The following ENTHD1 variants were observed in gnomAD, a reference collection of about 807,000 sequenced individuals.
ENTHD1 encodes ENTH domain containing 1.
ENTHD1 carries 23 observed loss-of-function variants against 39.1 expected under a neutral mutation model. That is an observed-to-expected ratio of 0.59 (90% CI 0.42 to 0.83). The LOEUF is 0.83. Ranked by LOEUF, ENTHD1 falls within the 40% of genes least tolerant of loss-of-function variation. The probability of loss-of-function intolerance (pLI) is 0.00; values close to 1 mark genes in which losing one functional copy is unlikely to be tolerated. For missense variants in ENTHD1, 624 were observed against 705.4 expected, an observed-to-expected ratio of 0.88 and a Z score of 1.31; for synonymous variants, 230 against 258.2, an observed-to-expected ratio of 0.89 and a Z score of 1.05.
Position 39,861,851 on chromosome 22 carries a change from G to A in ENTHD1, c.506C>T (p.Thr169Ile), listed in dbSNP as rs116693852. Residue 169 changes from threonine to isoleucine, a missense_variant, in exon 3 of 7, where the codon ACA becomes ATA. Coordinates refer to ENST00000325157, the MANE Select transcript of ENTHD1 (RefSeq NM_152512.4). ...KRQLGSSNSL[T>I]ACTSAPTPDI... is the part of the protein sequence containing the mutation. ...CGGTGTGGGGGCAGAAGTGCACGCT[G>A]TCAGTGAGTTACTTGAACCAAGTTG... 3.1e-6 allele frequency: 5 copies of A among 1,605,746 alleles called. No homozygotes were observed. The highest frequency in any genetic ancestry group is 4.3e-6 in the Non-Finnish European group (5 of 1,174,398).
At chr22:39,753,725 T>C (rs578017616) in intron 6 of ENTHD1, among the ~76,000 whole-genome samples, 68 of 152,294 alleles carry the variant, frequency 4.5e-4, no homozygotes, top group African/African-American at 1.5e-3. Flanking sequence ...GGCCTCACTG[T>C]TTCTTGAATT....
At chr22:39,784,585 A>C (rs1292083893) in intron 5 of ENTHD1, among the ~76,000 whole-genome samples, 1 of 128,772 alleles carries the variant, frequency 7.8e-6, no homozygotes, top group African/African-American at 3.2e-5. Context: ...CACACACACT[A>C]GAATATTCAG....
chr22:39,810,294 A>T (rs1169329895), intron 5 of ENTHD1, among the ~76,000 whole-genome samples: 1 of 152,216 alleles, frequency 6.6e-6, no homozygotes. Flanking sequence ...ACCATAGTCT[A>T]CTGGCCAGAG....
chr22:39,752,475 TG>T (rs1200700892), intron 6 of ENTHD1, among the ~76,000 whole-genome samples: 17 of 152,210 alleles, frequency 1.1e-4, no homozygotes, highest in African/African-American at 4.1e-4. Flanking sequence ...TCTGAATTAG[TG>T]GTGATGATTT....
intron 6 of ENTHD1, among the ~76,000 whole-genome samples, chr22:39,761,954 A>C (rs2065236868): frequency 1.3e-5 from 2 of 152,142 alleles, no homozygotes; most frequent in Admixed American, 6.5e-5. Context: ...TATGACCCAT[A>C]TTTTCCTATT....
At chr22:39,871,183 A>T (rs1477929316) in intron 2 of ENTHD1, among the ~76,000 whole-genome samples, 6 of 139,878 alleles carry the variant, frequency 4.3e-5, no homozygotes. Flanking sequence ...AAATAAATAA[A>T]TAAATAAATA....
intron 5 of ENTHD1, among the ~76,000 whole-genome samples, chr22:39,775,253 A>G (rs944808450): frequency 5.3e-5 from 8 of 152,248 alleles, no homozygotes; most frequent in Non-Finnish European, 8.8e-5. Context: ...ACTGTCACCT[A>G]TAGGGTACTG....
At chr22:39,777,606 A>T (rs2065375543) in intron 5 of ENTHD1, among the ~76,000 whole-genome samples, 1 of 152,198 alleles carries the variant, frequency 6.6e-6, no homozygotes, top group Non-Finnish European at 1.5e-5. Context: ...ACAGATCTGG[A>T]CACATGTAAA....
In ENTHD1 at chr22:39,792,457, T is replaced by A. The variant is rs546426155; in HGVS notation, c.833-26848A>T. Among the ~76,000 whole-genome samples, 16 of 152,340 alleles carry A rather than the reference T, an allele frequency of 1.1e-4. No individual in the cohort carries two copies. In the South Asian group the frequency reaches 2.9e-3, roughly 28 times the overall value. On this transcript the variant is annotated intron_variant, in intron 5 of 6. Coordinates refer to ENST00000325157, the MANE Select transcript of ENTHD1 (RefSeq NM_152512.4). ...TCTTTTTCTAATACCACAAATTAGA[T>A]GTTATAATGTTATTTTTTAATCTGT... is the stretch of plus-strand genomic sequence containing the variant.
At chr22:39,845,596 A>G (rs1373427365) in intron 3 of ENTHD1, among the ~76,000 whole-genome samples, 1 of 152,180 alleles carries the variant, frequency 6.6e-6, no homozygotes. Flanking sequence ...CAGAAGGAAA[A>G]TTCCTCACAA....
Position 39,819,309 on chromosome 22 carries a change from G to A in ENTHD1, c.832+1684C>T, listed in dbSNP as rs143198591. On this transcript the variant is annotated intron_variant, in intron 5 of 6. Transcript: ENST00000325157. The stretch of plus-strand genomic sequence containing the variant: ...GAACCCGGGAGGTGGAAGGTGCGGT[G>A]AGCCGAGATCGCGCCACTGTACTCC... Among the ~76,000 whole-genome samples, 1,372 of 151,942 alleles carry A rather than the reference G, an allele frequency of 9.0e-3. 23 individuals carry two copies. Among genetic ancestry groups the A allele is most frequent in the African/African-American group, 0.026 (1,065 of 41,416 alleles).
At chr22:39,815,077 G>A (rs1163226470) in intron 5 of ENTHD1, among the ~76,000 whole-genome samples, 1 of 152,134 alleles carries the variant, frequency 6.6e-6, no homozygotes, top group Non-Finnish European at 1.5e-5. Flanking sequence ...CAACAGACAT[G>A]GACACGTCAG....
At chr22:39,875,956 T>G in intron 2 of ENTHD1, 1 of 1,614,008 alleles carries the variant, frequency 6.2e-7, no homozygotes, top group South Asian at 1.1e-5. Context: ...ATCTTGGTTG[T>G]GTACCCATTG....
At chr22:39,753,480 G>A (rs937412713) in intron 6 of ENTHD1, among the ~76,000 whole-genome samples, 1 of 152,132 alleles carries the variant, frequency 6.6e-6, no homozygotes, top group African/African-American at 2.4e-5. Context: ...CAAATATTAA[G>A]GTGTATTAGG....
intron 5 of ENTHD1, among the ~76,000 whole-genome samples, chr22:39,788,169 C>A (rs2065474760): frequency 6.6e-6 from 1 of 152,158 alleles, no homozygotes; most frequent in Non-Finnish European, 1.5e-5. Context: ...AAGGTTATAG[C>A]TGCCTTAGAC....
intron 2 of ENTHD1, among the ~76,000 whole-genome samples, chr22:39,871,560 A>G (rs1437395153): frequency 6.6e-6 from 1 of 152,230 alleles, no homozygotes; most frequent in Non-Finnish European, 1.5e-5. Context: ...TGAGAACCTT[A>G]AGAGAGAATA....
chr22:39,806,443 C>T (rs2065641413), intron 5 of ENTHD1, among the ~76,000 whole-genome samples: 1 of 152,062 alleles, frequency 6.6e-6, no homozygotes, highest in Non-Finnish European at 1.5e-5. Flanking sequence ...TTTTAAAAAG[C>T]CATGATGAAT....
At position 39,881,797 on chromosome 22, in the gene ENTHD1, CCT is replaced by C. The variant is rs561938297; in HGVS notation, c.349+5601_349+5602del. On this transcript the variant is annotated intron_variant, in intron 2 of 6. Coordinates refer to ENST00000325157, the MANE Select transcript of ENTHD1 (RefSeq NM_152512.4). ...TTATAACTAGGGTAGACCTAGAAGG[CCT>C]CTAATAAGACTTTCTGAGAAGAGAT... Among the ~76,000 whole-genome samples the C allele has an allele frequency of 2.0e-4, 30 of 152,250 alleles. No homozygotes were observed. The East Asian group carries it at 4.4e-3, about 23-fold the overall frequency.
chr22:39,766,659 A>G (rs1239353684), intron 5 of ENTHD1, among the ~76,000 whole-genome samples: 1 of 152,220 alleles, frequency 6.6e-6, no homozygotes, highest in African/African-American at 2.4e-5. Context: ...ATCACAATGT[A>G]TGTCATAAAA....
Sources: allele counts gnomAD v4.1 joint callset (sites outside exome capture counted in the v4.1 genomes callset), GRCh38; gene constraint gnomAD v4.1.1; transcripts MANE v1.5; gene names NCBI Gene and HGNC (gene_info 2026-07-23, HGNC 2026-07-21).